Variants in REV3L observed in about 807,000 individuals in gnomAD.
REV3L encodes DNA polymerase zeta catalytic subunit.
A neutral mutation model predicts 299.4 loss-of-function variants in REV3L; 69 were observed. The observed-to-expected ratio is 0.23, with a 90% CI of 0.19 to 0.28. The LOEUF (loss-of-function observed/expected upper bound fraction) is 0.28. Ranked by LOEUF, REV3L falls within the 10% of genes least tolerant of loss-of-function variation. REV3L has a pLI of 1.00. For synonymous variants in REV3L, 1,238 were observed against 1,271.4 expected, an observed-to-expected ratio of 0.97 and a Z score of 0.56; for missense variants, 3,128 against 3,693.8, an observed-to-expected ratio of 0.85 and a Z score of 3.97.
chr6:111,330,565 C>A (rs1775275749), intron 24 of REV3L, among the ~76,000 whole-genome samples: 1 of 152,100 alleles, frequency 6.6e-6, no homozygotes, highest in African/African-American at 2.4e-5. Flanking sequence ...AAGCTTTACA[C>A]ACTGGGTCCA....
In REV3L at chr6:111,368,083, T is replaced by A. The variant is rs1181692622; in HGVS notation, c.5760-55A>T. Reference sequence around the variant, plus strand: ...TTGTTTCAAAGAGCAATTACCAAAATATTTAACTCCATATCCTAGATAAAG... The same window carrying A: ...TTGTTTCAAAGAGCAATTACCAAAAAATTTAACTCCATATCCTAGATAAAG... On this transcript the variant is annotated intron_variant, in intron 13 of 31. Transcript: ENST00000368802. 3.5e-6 allele frequency: 5 copies of A among 1,426,238 alleles called. No individual in the cohort carries two copies. The East Asian group carries it at 1.2e-4, about 34-fold the overall frequency. 88.3% of individuals were successfully genotyped at this position (1,426,238 alleles called of 1,614,324 possible).
rs932226430 is a variant in REV3L at position 111,403,448 on chromosome 6, T to C, written c.565+2022A>G. Among the ~76,000 whole-genome samples, 14 of 152,244 alleles carry C rather than the reference T, an allele frequency of 9.2e-5. 2 individuals carry two copies. Among genetic ancestry groups the C allele is most frequent in the Admixed American group, 5.9e-4 (9 of 15,292 alleles). ...TTGAGCAAATCTATTGGTGCCATTTTTACAAGAGCATGTGTTCATTTTGTG... is the reference window on the plus strand; with the variant it reads ...TTGAGCAAATCTATTGGTGCCATTTCTACAAGAGCATGTGTTCATTTTGTG... On this transcript the variant is annotated intron_variant, in intron 4 of 31. Transcript: ENST00000368802.
intron 1 of REV3L, among the ~76,000 whole-genome samples, chr6:111,456,567 CTCTGTAGAGTAT>C (rs1790185130): frequency 6.6e-6 from 1 of 152,146 alleles, no homozygotes; most frequent in Non-Finnish European, 1.5e-5. Flanking sequence ...ACACTTTCCT[CTCTGTAGAGTAT>C]AATGTATCAA....
At chr6:111,332,217 G>A (rs1264441098) in intron 23 of REV3L, among the ~76,000 whole-genome samples, 1 of 151,990 alleles carries the variant, frequency 6.6e-6, no homozygotes, top group Non-Finnish European at 1.5e-5. Context: ...GACTACAGGT[G>A]CCTGCCACCA....
intron 1 of REV3L, among the ~76,000 whole-genome samples, chr6:111,444,883 C>T (rs1788660009): frequency 6.6e-6 from 1 of 152,156 alleles, no homozygotes; most frequent in South Asian, 2.1e-4. Context: ...GGTATATTTT[C>T]CTCAACTGGC....
intron 4 of REV3L, among the ~76,000 whole-genome samples, chr6:111,396,245 T>A (rs1362859028): frequency 6.6e-6 from 1 of 152,138 alleles, no homozygotes; most frequent in Non-Finnish European, 1.5e-5. Context: ...CAGGATGGTC[T>A]CAAACTCCTG....
intron 4 of REV3L, among the ~76,000 whole-genome samples, chr6:111,403,854 A>C (rs1248044215): frequency 1.3e-5 from 2 of 152,230 alleles, no homozygotes; most frequent in Non-Finnish European, 2.9e-5. Context: ...CAGTTAGCCA[A>C]GTAGTGAATG....
At chr6:111,320,074 C>G (rs897548514) in intron 26 of REV3L, among the ~76,000 whole-genome samples, 1 of 138,832 alleles carries the variant, frequency 7.2e-6, no homozygotes, top group South Asian at 2.3e-4. Flanking sequence ...CTGCACCTGG[C>G]CTTTTTTTTT....
At chr6:111,326,182 C>T (rs1330318900) in intron 25 of REV3L, among the ~76,000 whole-genome samples, 2 of 152,082 alleles carry the variant, frequency 1.3e-5, no homozygotes, top group African/African-American at 4.8e-5. Context: ...AAATAATCAA[C>T]AAAGTGAAGA....
In REV3L at chr6:111,329,590, G is replaced by C; in HGVS notation, c.8183C>G (p.Ala2728Gly). 1.2e-6 allele frequency: 2 copies of C among 1,614,086 alleles called. No individual in the cohort carries two copies. The highest frequency in any genetic ancestry group is 1.7e-6 in the Non-Finnish European group (2 of 1,180,024). ...AGATGTATAGCCAAATGTGACATTTGCTATCAGCTTAAGTCCCAACTGACG... is the reference window on the plus strand; with the variant it reads ...AGATGTATAGCCAAATGTGACATTTCCTATCAGCTTAAGTCCCAACTGACG... ...DARQLGLKLI[A>G]NVTFGYTSAN... Residue 2728 changes from alanine to glycine, a missense_variant, in exon 25 of 32, where the codon GCA becomes GGA. By Grantham distance (60) the Ala-to-Gly change is moderately conservative. Coordinates refer to ENST00000368802, the MANE Select transcript of REV3L (RefSeq NM_001372078.1).
rs1303500075 is a variant in REV3L, at chr6:111,446,982, C to T, written c.140-30510G>A. Among the ~76,000 whole-genome samples, 3 of 152,232 alleles carry T rather than the reference C, an allele frequency of 2.0e-5. No individual in the cohort carries two copies. In the East Asian group the frequency reaches 5.8e-4, roughly 29 times the overall value. On this transcript the variant is annotated intron_variant, in intron 1 of 31. Coordinates refer to ENST00000368802, the MANE Select transcript of REV3L (RefSeq NM_001372078.1). ...CCTTAACTAATGACAACCATGAAGA[C>T]ACAAGAACTACATACTGATCACTAA...
chr6:111,475,778 A>T (rs1488665172), intron 1 of REV3L, among the ~76,000 whole-genome samples: 1 of 152,052 alleles, frequency 6.6e-6, no homozygotes, highest in African/African-American at 2.4e-5. Flanking sequence ...TTTTATTTTT[A>T]TGTCCTAAAA....
chr6:111,354,125 A>G (rs1777849142), intron 18 of REV3L: 2 of 152,240 alleles, frequency 1.3e-5, no homozygotes, highest in East Asian at 1.9e-4. Flanking sequence ...TCACATAGTT[A>G]CCTATCACAT....
At chr6:111,331,005 C>T (rs1190388473) in intron 24 of REV3L, 1 of 985,112 alleles carries the variant, frequency 1.0e-6, no homozygotes, top group African/African-American at 1.7e-5. Flanking sequence ...TGGTGGGGTC[C>T]ACTCTACCAT....
Position 111,374,213 on chromosome 6 carries a change from T to C in REV3L, c.4142A>G (p.Lys1381Arg), listed in dbSNP as rs1476011596. ...TATATTATTTGCATTATCTTCTATCTTTGAGGACATACCAGAAGATATCTG... is the reference window on the plus strand; with the variant it reads ...TATATTATTTGCATTATCTTCTATCCTTGAGGACATACCAGAAGATATCTG... ...NTQISSGMSSKIEDNANNIQR... is the reference protein window; with the variant it reads ...NTQISSGMSSRIEDNANNIQR... Residue 1381 changes from lysine (K) to arginine (R), a missense_variant, in exon 13 of 32, where the codon AAG (lysine) becomes AGG (arginine). Lys to Arg is a conservative substitution (Grantham distance 26). Transcript: ENST00000368802. 6 of 1,613,810 alleles carry C rather than the reference T, an allele frequency of 3.7e-6. No individual in the cohort carries two copies. The highest frequency in any genetic ancestry group is 5.1e-6 in the Non-Finnish European group (6 of 1,179,844).
At chr6:111,307,655 G>T in intron 30 of REV3L, 85 bp from the exon 31 acceptor site, 1 of 1,277,974 alleles carries the variant, frequency 7.8e-7, no homozygotes, top group Non-Finnish European at 1.1e-6. Context: ...GTTTACTCAG[G>T]CATTCATTCA....
intron 1 of REV3L, among the ~76,000 whole-genome samples, chr6:111,439,724 G>A (rs1049039296): frequency 6.6e-6 from 1 of 152,158 alleles, no homozygotes; most frequent in African/African-American, 2.4e-5. Flanking sequence ...AAAAGGTCAT[G>A]GTCACAGTTT....
chr6:111,442,899 A>ATG (rs141289999), intron 1 of REV3L, among the ~76,000 whole-genome samples: 22 of 151,256 alleles, frequency 1.5e-4, no homozygotes, highest in East Asian at 5.8e-4. Context: ...CTCTGTGTGT[A>ATG]TGTGTGTGTG....
Position 111,308,394 on chromosome 6 carries a change from T to C in REV3L, c.9043-824A>G, listed in dbSNP as rs1435782082. On this transcript the variant is annotated intron_variant, in intron 30 of 31. Coordinates refer to ENST00000368802, the MANE Select transcript of REV3L (RefSeq NM_001372078.1). ...CTCAGAACACTTAGTAACATATAGG[T>C]GGGCAAGATCATCTAACACAAAGCC... 2.9e-5 allele frequency: 10 copies of C among 344,066 alleles called. No homozygotes were observed. In the East Asian group the frequency reaches 8.7e-4, roughly 30 times the overall value. The allele number at this position is 344,066 out of a possible 1,614,324, so 21.3% of individuals were successfully genotyped here. A position where few individuals can be genotyped will look rare whatever the true frequency, so the allele number is the denominator to read the frequency against.
Sources: allele counts gnomAD v4.1 joint callset (sites outside exome capture counted in the v4.1 genomes callset), GRCh38; gene constraint gnomAD v4.1.1; transcripts MANE v1.5; gene names NCBI Gene and HGNC (gene_info 2026-07-23, HGNC 2026-07-21).